NR3C1: variants seen among roughly 807,000 people sequenced by gnomAD.
The protein encoded by NR3C1 is nuclear receptor subfamily 3 group C member 1, also known as glucocorticoid receptor.
In NR3C1, 14 loss-of-function variants were observed where a neutral mutation model predicts 74.0. That is an observed-to-expected ratio of 0.19 (90% CI 0.12 to 0.30). The LOEUF is 0.30. Among genes scored for constraint, NR3C1 ranks in the 10% least tolerant of loss-of-function variants. The probability of loss-of-function intolerance (pLI) is 1.00; values close to 1 mark genes in which losing one functional copy is unlikely to be tolerated. For synonymous variants in NR3C1, 308 were observed against 332.5 expected, an observed-to-expected ratio of 0.93 and a Z score of 0.80; for missense variants, 695 against 909.8, an observed-to-expected ratio of 0.76 and a Z score of 3.04.
At chr5:143,332,132 A>T (rs1252223289) in intron 2 of NR3C1, among the ~76,000 whole-genome samples, 1 of 152,182 alleles carries the variant, frequency 6.6e-6, no homozygotes, top group East Asian at 1.9e-4. Context: ...ATAGCTGACA[A>T]CCTTAGACTA....
At chr5:143,316,468 T>A (rs1822096424) in intron 2 of NR3C1, among the ~76,000 whole-genome samples, 1 of 152,134 alleles carries the variant, frequency 6.6e-6, no homozygotes, top group African/African-American at 2.4e-5. Context: ...TAAATAATAG[T>A]TTGTAGTACT....
chr5:143,405,336 C>T (rs113937013), upstream of NR3C1: 2,385 of 985,598 alleles, frequency 2.4e-3, 4 homozygotes, highest in Admixed American at 6.3e-3. Context: ...TCTCTCACCT[C>T]CCGCCGCGCT....
At chr5:143,369,957 GTT>G (rs1201110031) in intron 2 of NR3C1, among the ~76,000 whole-genome samples, 129 of 152,308 alleles carry the variant, frequency 8.5e-4, no homozygotes, top group African/African-American at 3.0e-3. Flanking sequence ...GCACCTTGGA[GTT>G]CACCTATTTT....
intron 4 of NR3C1, among the ~76,000 whole-genome samples, chr5:143,303,004 T>C (rs2151568276): frequency 6.6e-6 from 1 of 151,882 alleles, no homozygotes; most frequent in South Asian, 2.1e-4. Context: ...GTTGGTTACT[T>C]GAAAGGATAA....
At chr5:143,383,147 T>C (rs1424574248) in intron 2 of NR3C1, among the ~76,000 whole-genome samples, 1 of 152,242 alleles carries the variant, frequency 6.6e-6, no homozygotes, top group African/African-American at 2.4e-5. Context: ...CCATAAACCA[T>C]AAGCTTCAGA....
rs1326835320 is a variant in NR3C1 at position 143,280,729 on chromosome 5, A to C, written c.*1160T>G. 1 of 152,470 alleles carries C rather than the reference A, an allele frequency of 6.6e-6. No homozygotes were observed. Among genetic ancestry groups the C allele is most frequent in the East Asian group, 1.9e-4 (1 of 5,196 alleles). 9.4% of individuals were successfully genotyped at this position (152,470 alleles called of 1,614,324 possible). ...CCAATTGGTGACAGATGGGAATGTG[A>C]AAATGGGTGTCTAGCCATTTTTGCC... On this transcript the variant is annotated 3_prime_UTR_variant, in exon 9 of 9. Coordinates refer to ENST00000394464, the MANE Select transcript of NR3C1 (RefSeq NM_000176.3).
intron 7 of NR3C1, chr5:143,293,999 G>A (rs542625001): frequency 2.0e-6 from 2 of 985,126 alleles, no homozygotes; most frequent in African/African-American, 1.7e-5. Context: ...TACCGCTACA[G>A]GTAACATTAA....
rs151159692 is a variant in NR3C1, at chr5:143,389,109, C to T, written c.1184+10547G>A. 8.2e-3 allele frequency among the ~76,000 whole-genome samples: 1,250 copies of T among 152,266 alleles called. 3 individuals carry two copies. The highest frequency in any genetic ancestry group is 0.017 in the Middle Eastern group (5 of 294). ...CTCCATGAAGTTTCAGTTATGTCTTCCCAGGAAGGAGTTTGAGATCTTTCA... is the reference window on the plus strand; with the variant it reads ...CTCCATGAAGTTTCAGTTATGTCTTTCCAGGAAGGAGTTTGAGATCTTTCA... On this transcript the variant is annotated intron_variant, in intron 2 of 8. Coordinates refer to ENST00000394464, the MANE Select transcript of NR3C1 (RefSeq NM_000176.3).
Position 143,376,069 on chromosome 5 carries a change from GA to G in NR3C1, c.1184+23586del, listed in dbSNP as rs566799750. On this transcript the variant is annotated intron_variant, in intron 2 of 8. Transcript: ENST00000394464. ...CCTGAAATTAGATCTATGCCAATGA[GA>G]ATTTTTCTAAAGCAAAATAAGGAAA... Among the ~76,000 whole-genome samples the G allele has an allele frequency of 4.4e-3, 662 of 151,926 alleles. 2 individuals are homozygous for G. Among genetic ancestry groups the G allele is most frequent in the African/African-American group, 0.015 (632 of 41,410 alleles).
chr5:143,378,837 T>A (rs1835684794), intron 2 of NR3C1, among the ~76,000 whole-genome samples: 1 of 152,220 alleles, frequency 6.6e-6, no homozygotes, highest in Non-Finnish European at 1.5e-5. Context: ...TGTGGAATGA[T>A]ACTGTTCTTT....
chr5:143,310,217 T>G lies in NR3C1; in HGVS notation c.1352-4A>C. ...GCACATAGGTAATTGTGCTGTCCTA[T>G]ATGGAATAAAAGGCACTATTAAAGT... On this transcript the variant is annotated splice_region_variant and splice_polypyrimidine_tract_variant and intron_variant, in intron 3 of 8. Transcript: ENST00000394464. 6.3e-7 allele frequency: 1 copy of G among 1,598,512 alleles called. No individual in the cohort carries two copies. The highest frequency in any genetic ancestry group is 1.1e-5 in the South Asian group (1 of 90,684).
rs140226710 is a variant in NR3C1 at position 143,351,376 on chromosome 5, C to T, written c.1185-37208G>A. Among the ~76,000 whole-genome samples the T allele has an allele frequency of 2.0e-4, 30 of 152,228 alleles. 1 individual carries two copies. Among genetic ancestry groups the T allele is most frequent in the African/African-American group, 6.7e-4 (28 of 41,544 alleles). On this transcript the variant is annotated intron_variant, in intron 2 of 8. Transcript: ENST00000394464. ...CTGTCCAGCCATATCGCCCACATTC[C>T]AAACACCTATCTTTATAAAAAAATG...
chr5:143,398,504 A>T (rs1228638832), intron 2 of NR3C1, among the ~76,000 whole-genome samples: 1 of 151,998 alleles, frequency 6.6e-6, no homozygotes, highest in Non-Finnish European at 1.5e-5. Context: ...TAGCTTTCAC[A>T]GAAAAAGGAT....
At chr5:143,391,825 A>G (rs1333299641) in intron 2 of NR3C1, among the ~76,000 whole-genome samples, 1 of 152,232 alleles carries the variant, frequency 6.6e-6, no homozygotes, top group Non-Finnish European at 1.5e-5. Context: ...ATTCTTGATT[A>G]TAGGCAATAC....
At chr5:143,385,832 C>G (rs1369077271) in intron 2 of NR3C1, among the ~76,000 whole-genome samples, 1 of 152,240 alleles carries the variant, frequency 6.6e-6, no homozygotes, top group African/African-American at 2.4e-5. Context: ...GTCCTCCAAA[C>G]TGTTGCAACC....
intron 1 of NR3C1, among the ~76,000 whole-genome samples, chr5:143,431,968 C>T (rs539586508): frequency 4.5e-4 from 69 of 152,330 alleles, no homozygotes; most frequent in Non-Finnish European, 8.8e-4. Context: ...ATGACTCTCC[C>T]TGAGGGGGTG....
intron 1 of NR3C1, among the ~76,000 whole-genome samples, chr5:143,410,609 G>C (rs1841258717): frequency 6.6e-6 from 1 of 152,058 alleles, no homozygotes; most frequent in African/African-American, 2.4e-5. Flanking sequence ...ATTTTTCTCA[G>C]CCTTGTTTTT....
At chr5:143,389,409 G>C (rs1252728088) in intron 2 of NR3C1, among the ~76,000 whole-genome samples, 1 of 152,140 alleles carries the variant, frequency 6.6e-6, no homozygotes, top group Non-Finnish European at 1.5e-5. Context: ...TAGCTAGGTT[G>C]CTTATTGATT....
At chr5:143,368,589 G>A (rs1194202611) in intron 2 of NR3C1, among the ~76,000 whole-genome samples, 3 of 145,430 alleles carry the variant, frequency 2.1e-5, no homozygotes, top group Non-Finnish European at 4.6e-5. Context: ...ACAATAAAAA[G>A]ACAACCTAAT....
Sources: allele counts gnomAD v4.1 joint callset (sites outside exome capture counted in the v4.1 genomes callset), GRCh38; gene constraint gnomAD v4.1.1; transcripts MANE v1.5; gene names NCBI Gene and HGNC (gene_info 2026-07-23, HGNC 2026-07-21).